The following SLC25A21 variants were observed in gnomAD, a reference collection of about 807,000 sequenced individuals.
The protein encoded by SLC25A21 is solute carrier family 25 member 21.
In SLC25A21, 47 loss-of-function variants were observed where a neutral mutation model predicts 43.8. That is an observed-to-expected ratio of 1.07 (90% CI 0.85 to 1.37). The LOEUF is 1.37. SLC25A21 is among the 40% of genes most tolerant of loss of function. The probability of loss-of-function intolerance (pLI) is 0.00; values close to 1 mark genes in which losing one functional copy is unlikely to be tolerated. For synonymous variants in SLC25A21, 131 were observed against 121.3 expected (o/e 1.08, Z -0.52); for missense variants, 352 against 350.2 (o/e 1.00, Z -0.04).
At chr14:36,787,598 C>A (rs1227021900) in intron 3 of SLC25A21, among the ~76,000 whole-genome samples, 2 of 152,062 alleles carry the variant, frequency 1.3e-5, no homozygotes, top group Non-Finnish European at 2.9e-5. Flanking sequence ...ATATTAAACA[C>A]AATTCATTTT....
chr14:37,067,086 T>A (rs78451820), intron 1 of SLC25A21, among the ~76,000 whole-genome samples: 3,330 of 152,148 alleles, frequency 0.022, 127 homozygotes, highest in African/African-American at 0.076. Context: ...AGGAGTAACA[T>A]ATATTTAACT....
intron 2 of SLC25A21, among the ~76,000 whole-genome samples, chr14:36,856,392 G>A (rs1273164010): frequency 6.6e-6 from 1 of 152,160 alleles, no homozygotes; most frequent in Non-Finnish European, 1.5e-5. Context: ...TGGATCTCGA[G>A]CATTAAGTCC....
chr14:36,875,276 G>A (rs1381889416), intron 1 of SLC25A21, among the ~76,000 whole-genome samples: 2 of 152,062 alleles, frequency 1.3e-5, no homozygotes, highest in Admixed American at 6.6e-5. Flanking sequence ...ATAATCAGAC[G>A]TGCTAATTCA....
At chr14:36,851,018 C>T (rs887593211) in intron 2 of SLC25A21, among the ~76,000 whole-genome samples, 2 of 152,140 alleles carry the variant, frequency 1.3e-5, no homozygotes, top group Non-Finnish European at 2.9e-5. Context: ...CCTGTTTAAG[C>T]GATACAATTC....
chr14:36,744,589 A>G (rs556787117), intron 3 of SLC25A21, among the ~76,000 whole-genome samples: 86 of 51,462 alleles, frequency 1.7e-3, no homozygotes, highest in Admixed American at 1.2e-3. Flanking sequence ...AAAATACTAG[A>G]AAAAGAAATA....
intron 3 of SLC25A21, among the ~76,000 whole-genome samples, chr14:36,783,204 G>T (rs1030952646): frequency 2.0e-5 from 3 of 150,514 alleles, no homozygotes; most frequent in African/African-American, 7.3e-5. Flanking sequence ...ACTATCTTGG[G>T]GTGGGGGTGG....
At position 36,846,623 on chromosome 14, in the gene SLC25A21, C is replaced by T. The variant is rs1889552606; in HGVS notation, c.119+28333G>A. On this transcript the variant is annotated intron_variant, in intron 2 of 9. Coordinates refer to ENST00000331299, the MANE Select transcript of SLC25A21 (RefSeq NM_030631.4). ...TCTTGAACTCCCAACCTCAGGTGAT[C>T]CACCTGCTTCAGCCTCCCAAAGTGC... Among the ~76,000 whole-genome samples, 2 of 152,154 alleles carry T rather than the reference C, an allele frequency of 1.3e-5. 1 individual carries two copies. The highest frequency in any genetic ancestry group is 4.1e-4 in the South Asian group (2 of 4,822).
intron 2 of SLC25A21, among the ~76,000 whole-genome samples, chr14:36,831,128 T>C (rs1889024860): frequency 6.6e-6 from 1 of 152,214 alleles, no homozygotes; most frequent in African/African-American, 2.4e-5. Context: ...CATAAAGATT[T>C]AAGACTGCAC....
At chr14:36,962,514 T>C (rs1231068800) in intron 1 of SLC25A21, among the ~76,000 whole-genome samples, 1 of 152,164 alleles carries the variant, frequency 6.6e-6, no homozygotes. Flanking sequence ...CCACCCCTGG[T>C]AGCCACTGTT....
At chr14:36,725,011 G>T (rs1555323077) in intron 6 of SLC25A21, 2 of 152,136 alleles carry the variant, frequency 1.3e-5, no homozygotes, top group Non-Finnish European at 2.9e-5. Context: ...AATAAAAAAT[G>T]AATAAACAAT....
chr14:36,719,262 A>G (rs117986150), intron 6 of SLC25A21, among the ~76,000 whole-genome samples: 124 of 152,314 alleles, frequency 8.1e-4, no homozygotes, highest in Non-Finnish European at 1.5e-3. Flanking sequence ...ATAAAAACCA[A>G]TGCACCCAGT....
intron 1 of SLC25A21, among the ~76,000 whole-genome samples, chr14:36,985,680 T>C (rs975356823): frequency 1.3e-5 from 2 of 152,196 alleles, no homozygotes; most frequent in Admixed American, 1.3e-4. Flanking sequence ...TACATTGCTG[T>C]TTCTTCATTT....
chr14:36,777,376 T>C (rs1489004271), intron 3 of SLC25A21, among the ~76,000 whole-genome samples: 3 of 152,114 alleles, frequency 2.0e-5, no homozygotes, highest in Non-Finnish European at 4.4e-5. Flanking sequence ...ATGAGTTGGA[T>C]AGTGGCCCTA....
intron 2 of SLC25A21, among the ~76,000 whole-genome samples, chr14:36,834,265 C>G (rs756363137): frequency 6.6e-6 from 1 of 152,166 alleles, no homozygotes; most frequent in African/African-American, 2.4e-5. Flanking sequence ...AACTGACTTT[C>G]GATCAGGCAA....
chr14:36,957,067 G>C (rs1351532780), intron 1 of SLC25A21, among the ~76,000 whole-genome samples: 1 of 152,218 alleles, frequency 6.6e-6, no homozygotes, highest in Non-Finnish European at 1.5e-5. Context: ...TTGCCAAAGT[G>C]TATTTGGTTC....
chr14:37,065,835 A>T (rs2138818313), intron 1 of SLC25A21, among the ~76,000 whole-genome samples: 1 of 152,372 alleles, frequency 6.6e-6, no homozygotes, highest in South Asian at 2.1e-4. Context: ...TAAGAGGAAA[A>T]AAATTAACAA....
chr14:36,768,041 T>C (rs1003373634), intron 3 of SLC25A21, among the ~76,000 whole-genome samples: 24 of 152,314 alleles, frequency 1.6e-4, no homozygotes, highest in African/African-American at 5.3e-4. Flanking sequence ...TGGAAAAACA[T>C]GTCGCTGCCT....
At chr14:36,979,839 T>A (rs1469278351) in intron 1 of SLC25A21, among the ~76,000 whole-genome samples, 1 of 152,204 alleles carries the variant, frequency 6.6e-6, no homozygotes, top group Non-Finnish European at 1.5e-5. Flanking sequence ...AAGAGAAGTA[T>A]CCTCTGCAGG....
chr14:36,761,862 G>T (rs1276572060), intron 3 of SLC25A21, among the ~76,000 whole-genome samples: 1 of 152,160 alleles, frequency 6.6e-6, no homozygotes, highest in Non-Finnish European at 1.5e-5. Context: ...TATTCATCTT[G>T]TATAGATAGT....
Sources: allele counts gnomAD v4.1 joint callset (sites outside exome capture counted in the v4.1 genomes callset), GRCh38; gene constraint gnomAD v4.1.1; transcripts MANE v1.5; gene names NCBI Gene and HGNC (gene_info 2026-07-23, HGNC 2026-07-21).